The following CFAP58 variants were observed in gnomAD, a reference collection of about 807,000 sequenced individuals.
The protein encoded by CFAP58 is cilia- and flagella-associated protein 58.
A neutral mutation model predicts 119.5 loss-of-function variants in CFAP58; 88 were observed. The observed-to-expected ratio is 0.74, with a 90% CI of 0.62 to 0.88. CFAP58 has a LOEUF of 0.88. Ranked by LOEUF, CFAP58 falls within the 40% of genes least tolerant of loss-of-function variation. The pLI is 0.00. For missense variants in CFAP58, 990 were observed against 1,021.2 expected, an observed-to-expected ratio of 0.97 and a Z score of 0.42; for synonymous variants, 365 against 366.3, an observed-to-expected ratio of 1.00 and a Z score of 0.04.
At chr10:104,353,764 G>A (rs917157105), upstream of CFAP58, 7 of 1,038,584 alleles carry the variant, frequency 6.7e-6, no homozygotes, top group South Asian at 9.4e-5. Context: ...ACGGGCCGAC[G>A]CGCCGAGCGC....
At chr10:104,347,222 A>G in the CFAP58 span, among the ~76,000 whole-genome samples, 10 of 152,030 alleles carry the variant, frequency 6.6e-5, no homozygotes, top group Non-Finnish European at 8.8e-5. Flanking sequence ...CAGTGCTTCT[A>G]CCTGGTGCCT....
intron 17 of CFAP58, among the ~76,000 whole-genome samples, chr10:104,453,217 A>G (rs933445720): frequency 3.3e-5 from 5 of 152,160 alleles, no homozygotes; most frequent in African/African-American, 1.2e-4. Flanking sequence ...ACGAGTTGCC[A>G]AAGTACAAGA....
chr10:104,352,301 A>G (rs113857506), upstream of CFAP58, among the ~76,000 whole-genome samples: 215 of 152,298 alleles, frequency 1.4e-3, 1 homozygote, highest in Middle Eastern at 6.8e-3. Flanking sequence ...ACTCTGGTAC[A>G]CAATCTTAAA....
At chr10:104,380,342 T>G in intron 9 of CFAP58, 122 bp downstream of exon 9, 3 of 982,072 alleles carry the variant, frequency 3.1e-6, no homozygotes, top group Non-Finnish European at 4.5e-6. Context: ...TGTGTGAAGA[T>G]TTGGGAGGAA....
Position 104,380,079 on chromosome 10 carries a change from G to T in CFAP58, c.1224G>T (p.Lys408Asn), listed in dbSNP as rs761813856. Residue 408 changes from lysine (K) to asparagine (N), a missense_variant, in exon 9 of 18, where the codon AAG becomes AAT. Physicochemically the swap from Lys to Asn is moderately conservative, Grantham distance 94. Transcript: ENST00000369704. ...CCCAGAAGCAGACAGACTTGGTAAA[G>T]CTCCATGAACAAGCCAAGAGGAACC... ...NATQKQTDLV[K>N]LHEQAKRNLE... 6.2e-7 allele frequency: 1 copy of T among 1,613,990 alleles called. No homozygotes were observed.
Position 104,364,733 on chromosome 10 carries a change from C to T in CFAP58, c.441C>T (p.Asn147=), listed in dbSNP as rs1213412539. The T allele has an allele frequency of 6.2e-7, 1 of 1,612,588 alleles. No homozygotes were observed. The highest frequency in any genetic ancestry group is 8.5e-7 in the Non-Finnish European group (1 of 1,179,388). Reference sequence around the variant, plus strand: ...TGACTCCTGTGTTCTTCCTTTTTAGCATCCGAGATTTACTGAGGTTCAAAG... The same window carrying T: ...TGACTCCTGTGTTCTTCCTTTTTAGTATCCGAGATTTACTGAGGTTCAAAG... ...GSGLSMDQHS[N]IRDLLRFKEE... The change falls in exon 4 of 18, where the codon AAC becomes AAT. Residue 147 remains asparagine, a splice_region_variant and synonymous_variant. Transcript: ENST00000369704.
At chr10:104,442,041 G>A (rs964496201) in intron 15 of CFAP58, among the ~76,000 whole-genome samples, 8 of 152,124 alleles carry the variant, frequency 5.3e-5, no homozygotes, top group East Asian at 3.8e-4. Context: ...AAATTAGGCC[G>A]TGTTCTAGAG....
chr10:104,390,046 G>A (rs2012001020), intron 9 of CFAP58, among the ~76,000 whole-genome samples: 1 of 152,278 alleles, frequency 6.6e-6, no homozygotes, highest in East Asian at 1.9e-4. Context: ...AAGTGTTACA[G>A]CCATTTTGGA....
chr10:104,402,860 T>G (rs2012290108), intron 13 of CFAP58, among the ~76,000 whole-genome samples: 1 of 152,072 alleles, frequency 6.6e-6, no homozygotes, highest in Non-Finnish European at 1.5e-5. Flanking sequence ...GGAGAAGAGG[T>G]ATTTTTCAAA....
rs552030511 is a variant in CFAP58, at chr10:104,373,033, G to A, written c.1090+1979G>A. Among the ~76,000 whole-genome samples, 3 of 152,170 alleles carry A rather than the reference G, an allele frequency of 2.0e-5. No individual in the cohort carries two copies. The South Asian group carries it at 6.2e-4, about 32-fold the overall frequency. ...CAACAGAGGTTAATAGAGTTCAGTA[G>A]GGTGGCAGGTTATAAAATAAATATG... On this transcript the variant is annotated intron_variant, in intron 7 of 17. Coordinates refer to ENST00000369704, the MANE Select transcript of CFAP58 (RefSeq NM_001008723.2).
At chr10:104,438,723 C>T (rs147250527) in intron 15 of CFAP58, among the ~76,000 whole-genome samples, 229 of 152,264 alleles carry the variant, frequency 1.5e-3, no homozygotes, top group South Asian at 8.1e-3. Context: ...TTTTCTATTA[C>T]CTTAAAAAGT....
chr10:104,377,018 A>G, intron 8 of CFAP58, 125 bp downstream of exon 8: 1 of 656,658 alleles, frequency 1.5e-6, no homozygotes, highest in Non-Finnish European at 2.6e-6. Flanking sequence ...AATAAATAAT[A>G]GTGCTTAATT....
chr10:104,415,744 A>G (rs2012541567), intron 15 of CFAP58, among the ~76,000 whole-genome samples: 1 of 152,172 alleles, frequency 6.6e-6, no homozygotes, highest in Non-Finnish European at 1.5e-5. Context: ...TGATTCACCT[A>G]AGGTATGCAT....
intron 16 of CFAP58, among the ~76,000 whole-genome samples, chr10:104,449,309 A>C (rs2013158135): frequency 6.6e-6 from 1 of 152,224 alleles, no homozygotes; most frequent in Non-Finnish European, 1.5e-5. Context: ...CAAATATTTA[A>C]AACAACAAGC....
intron 9 of CFAP58, 23 bp from the exon 10 acceptor site, chr10:104,392,210 T>G: frequency 3.1e-6 from 5 of 1,601,976 alleles, no homozygotes; most frequent in Non-Finnish European, 3.4e-6. Flanking sequence ...TTAACCACAT[T>G]CATATATGTC....
At chr10:104,444,252 C>G (rs2013080661) in intron 15 of CFAP58, among the ~76,000 whole-genome samples, 1 of 152,170 alleles carries the variant, frequency 6.6e-6, no homozygotes, top group Non-Finnish European at 1.5e-5. Flanking sequence ...TTATGATATT[C>G]TTATGATGTT....
chr10:104,431,413 A>G (rs889015874), intron 15 of CFAP58, among the ~76,000 whole-genome samples: 1 of 152,218 alleles, frequency 6.6e-6, no homozygotes, highest in African/African-American at 2.4e-5. Flanking sequence ...TTCTTATCAT[A>G]CACTAAATTT....
chr10:104,418,794 G>C (rs1230185252), intron 15 of CFAP58, among the ~76,000 whole-genome samples: 1 of 152,152 alleles, frequency 6.6e-6, no homozygotes, highest in Non-Finnish European at 1.5e-5. Flanking sequence ...GGTAATTCTT[G>C]CCTGCTTTAT....
chr10:104,433,797 T>C (rs1404815828), intron 15 of CFAP58, among the ~76,000 whole-genome samples: 5 of 152,258 alleles, frequency 3.3e-5, no homozygotes, highest in Admixed American at 3.3e-4. Flanking sequence ...ATGTTCCAAG[T>C]AAGCGAGATT....
Sources: allele counts gnomAD v4.1 joint callset (sites outside exome capture counted in the v4.1 genomes callset), GRCh38; gene constraint gnomAD v4.1.1; transcripts MANE v1.5; gene names NCBI Gene and HGNC (gene_info 2026-07-23, HGNC 2026-07-21).